Variants in SLC29A4 observed in about 807,000 individuals in gnomAD.
SLC29A4 encodes solute carrier family 29 member 4, also known as equilibrative nucleoside transporter 4.
In SLC29A4, 36 loss-of-function variants were observed where a neutral mutation model predicts 43.9. The ratio of observed to expected loss-of-function variants is 0.82; its 90% CI spans 0.63 to 1.08. The LOEUF (loss-of-function observed/expected upper bound fraction) is 1.08. Among genes scored for constraint, SLC29A4 ranks in the 50% least tolerant of loss-of-function variants. The pLI, the probability that SLC29A4 is intolerant of heterozygous loss-of-function variation, is 0.00. For synonymous variants in SLC29A4, 491 were observed against 338.0 expected (o/e 1.45, Z -4.97); for missense variants, 869 against 755.3 (o/e 1.15, Z -1.77).
At position 5,286,246 on chromosome 7, in the gene SLC29A4, T is replaced by C. The variant is rs1404593612; in HGVS notation, c.-8-1563T>C. On this transcript the variant is annotated intron_variant, in intron 1 of 10. Coordinates refer to ENST00000396872, the MANE Select transcript of SLC29A4 (RefSeq NM_153247.4). ...ACGTTATTAGAAAAAAATCATAGGC[T>C]GGATGTGGTGGCTCAGGCCTGTAAT... Among the ~76,000 whole-genome samples, 4 of 152,192 alleles carry C rather than the reference T, an allele frequency of 2.6e-5. No homozygotes were observed. In the East Asian group the frequency reaches 7.7e-4, roughly 29 times the overall value.
chr7:5,297,092 T>C lies in SLC29A4; in HGVS notation c.776T>C (p.Leu259Pro). ...TTAGTGCGGCGCAGCCGCTTCGTGC[T>C]CTTCTATACCACACGGCCGCGTGAC... ...HLLVRRSRFV[L>P]FYTTRPRDSH... Residue 259 changes from leucine (L) to proline (P), a missense_variant, in exon 7 of 11, where the codon CTC (leucine) becomes CCC (proline). Transcript: ENST00000396872. 5.6e-6 allele frequency: 9 copies of C among 1,607,926 alleles called. No individual in the cohort carries two copies. The highest frequency in any genetic ancestry group is 7.6e-6 in the Non-Finnish European group (9 of 1,179,766).
intron 10 of SLC29A4, 77 bp downstream of exon 10, chr7:5,300,739 G>C (rs528672925): frequency 1.9e-6 from 3 of 1,551,022 alleles, no homozygotes; most frequent in Non-Finnish European, 1.7e-6. Flanking sequence ...ACCCAGGCTA[G>C]ACCGCAGGAA....
intron 1 of SLC29A4, among the ~76,000 whole-genome samples, chr7:5,284,015 C>G (rs528440790): frequency 1.3e-5 from 2 of 148,570 alleles, no homozygotes; most frequent in Admixed American, 6.7e-5. Context: ...GGGCCAGGCT[C>G]CAGTCTGAGC....
Position 5,291,223 on chromosome 7 carries a change from C to T in SLC29A4, c.401C>T (p.Thr134Ile), listed in dbSNP as rs759271432. ...NVLVERLTLH[T>I]RITAGYLLAL... ...CTGGTGGAGAGACTGACCCTGCACACCAGGATCACCGCAGGTGCGCTGGGC... is the reference window on the plus strand; with the variant it reads ...CTGGTGGAGAGACTGACCCTGCACATCAGGATCACCGCAGGTGCGCTGGGC... Residue 134 changes from threonine to isoleucine, a missense_variant, in exon 4 of 11, where the codon ACC becomes ATC. By Grantham distance (89) the Thr-to-Ile change is moderately conservative (BLOSUM62 -1). Transcript: ENST00000396872. 1 of 1,612,698 alleles carries T rather than the reference C, an allele frequency of 6.2e-7. No homozygotes were observed. The highest frequency in any genetic ancestry group is 8.5e-7 in the Non-Finnish European group (1 of 1,179,904).
chr7:5,296,939 C>A lies in SLC29A4; in HGVS notation c.623C>A (p.Thr208Lys). 1.3e-6 allele frequency: 2 copies of A among 1,540,990 alleles called. No homozygotes were observed. Among genetic ancestry groups the A allele is most frequent in the African/African-American group, 2.7e-5 (2 of 74,118 alleles). ...YTQGVMTGES[T>K]AGVMISLSRI... The stretch of plus-strand genomic sequence containing the variant: ...GCCCACTGTGCACGCCCCCCAGGCA[C>A]GGCGGGCGTGATGATCTCTCTGAGC... The change falls in exon 7 of 11, where the codon ACG (threonine) becomes AAG (lysine). Residue 208 changes from threonine (T) to lysine (K), a missense_variant. Coordinates refer to ENST00000396872, the MANE Select transcript of SLC29A4 (RefSeq NM_153247.4).
At chr7:5,289,745 C>T (rs1429908227) in intron 2 of SLC29A4, among the ~76,000 whole-genome samples, 2 of 152,046 alleles carry the variant, frequency 1.3e-5, no homozygotes, top group Non-Finnish European at 1.5e-5. Flanking sequence ...TAAACCATGC[C>T]TCCTCTCCAG....
intron 2 of SLC29A4, 140 bp from the exon 3 acceptor site, chr7:5,290,592 T>G: frequency 8.7e-7 from 1 of 1,144,692 alleles, no homozygotes. Flanking sequence ...GACAGAGGTA[T>G]CTGGAACAGA....
intron 6 of SLC29A4, among the ~76,000 whole-genome samples, chr7:5,296,189 C>T (rs1785644390): frequency 6.6e-6 from 1 of 152,130 alleles, no homozygotes; most frequent in Non-Finnish European, 1.5e-5. Flanking sequence ...CCCATCGGGA[C>T]AGGGGCCCTC....
At chr7:5,299,848 T>C (rs1786011054) in intron 9 of SLC29A4, among the ~76,000 whole-genome samples, 2 of 152,172 alleles carry the variant, frequency 1.3e-5, no homozygotes, top group Admixed American at 1.3e-4. Flanking sequence ...GGCCAGGAGT[T>C]CTAGACCAAC....
chr7:5,288,490 G>C (rs1409558282), intron 2 of SLC29A4, among the ~76,000 whole-genome samples: 1 of 151,686 alleles, frequency 6.6e-6, no homozygotes, highest in Non-Finnish European at 1.5e-5. Context: ...ATTTTTAGTA[G>C]AGACGGGGTT....
intron 7 of SLC29A4, 53 bp from the exon 8 acceptor site, chr7:5,298,935 G>A: frequency 1.3e-6 from 2 of 1,572,816 alleles, no homozygotes; most frequent in Non-Finnish European, 1.7e-6. Flanking sequence ...CCTGGCCCGT[G>A]TCTCCTGTCC....
At chr7:5,293,077 A>C (rs57173841) in intron 5 of SLC29A4, among the ~76,000 whole-genome samples, 43,431 of 148,590 alleles carry the variant, frequency 0.29, 7,146 homozygotes, top group African/African-American at 0.45. Flanking sequence ...TTAATCCGGG[A>C]CGGTCCTTCA....
At chr7:5,286,328 T>G (rs1410060210) in intron 1 of SLC29A4, among the ~76,000 whole-genome samples, 2 of 151,722 alleles carry the variant, frequency 1.3e-5, no homozygotes, top group South Asian at 2.1e-4. Flanking sequence ...GTCGAGACCA[T>G]CCTGGCCAAC....
At position 5,291,171 on chromosome 7, in the gene SLC29A4, C is replaced by T. The variant is rs781460370; in HGVS notation, c.349C>T (p.Leu117=). The T allele has an allele frequency of 1.9e-6, 3 of 1,613,898 alleles. No individual in the cohort carries two copies. Among genetic ancestry groups the T allele is most frequent in the South Asian group, 1.1e-5 (1 of 91,080 alleles). The part of the protein sequence containing the change: ...DMSLTYILVA[L]AAVLLNNVLV... ...GAGCCTCACCTACATCTTGGTGGCA[C>T]TGGCAGCTGTCCTCCTGAACAACGT... Residue 117 remains leucine, a synonymous_variant, in exon 4 of 11, where the codon CTG becomes TTG. Coordinates refer to ENST00000396872, the MANE Select transcript of SLC29A4 (RefSeq NM_153247.4).
chr7:5,298,610 A>G (rs948558677), intron 7 of SLC29A4, among the ~76,000 whole-genome samples: 4 of 152,116 alleles, frequency 2.6e-5, no homozygotes, highest in Non-Finnish European at 5.9e-5. Context: ...TGGGCAACAT[A>G]GCAAGACCCT....
At chr7:5,286,054 T>C (rs1389436087) in intron 1 of SLC29A4, among the ~76,000 whole-genome samples, 1 of 151,950 alleles carries the variant, frequency 6.6e-6, no homozygotes, top group Non-Finnish European at 1.5e-5. Context: ...CCTCTGGGCC[T>C]GTGGGACCCC....
chr7:5,297,515 A>G (rs1245981518), intron 7 of SLC29A4, among the ~76,000 whole-genome samples: 2 of 152,198 alleles, frequency 1.3e-5, no homozygotes, highest in East Asian at 1.9e-4. Flanking sequence ...CATGATGTAC[A>G]CTAAAGTTTC....
Position 5,301,368 on chromosome 7 carries a change from G to C in SLC29A4, c.1450+706G>C, listed in dbSNP as rs747488471. Reference sequence around the variant, plus strand: ...AGGAGTGATGGGATGGGAGAGTCAGGCTCGGGAGCCAGCAGTGTAAATGGA... The same window carrying C: ...AGGAGTGATGGGATGGGAGAGTCAGCCTCGGGAGCCAGCAGTGTAAATGGA... On this transcript the variant is annotated intron_variant, in intron 10 of 10. Transcript: ENST00000396872. 6.7e-4 allele frequency among the ~76,000 whole-genome samples: 102 copies of C among 152,124 alleles called. 3 individuals carry two copies. The highest frequency in any genetic ancestry group is 1.8e-4 in the Non-Finnish European group (12 of 68,040).
intron 9 of SLC29A4, 32 bp from the exon 10 acceptor site, chr7:5,300,390 G>C: frequency 6.2e-7 from 1 of 1,609,714 alleles, no homozygotes; most frequent in African/African-American, 1.3e-5. Context: ...CTGTGGCCGG[G>C]ACAGGGCGCC....
Sources: allele counts gnomAD v4.1 joint callset (sites outside exome capture counted in the v4.1 genomes callset), GRCh38; gene constraint gnomAD v4.1.1; transcripts MANE v1.5; gene names NCBI Gene and HGNC (gene_info 2026-07-23, HGNC 2026-07-21).